The following SLC7A5 variants were observed in gnomAD, a reference collection of about 807,000 sequenced individuals.
SLC7A5 encodes the protein solute carrier family 7 member 5.
SLC7A5 carries 23 observed loss-of-function variants against 50.2 expected under a neutral mutation model. That is an observed-to-expected ratio of 0.46 (90% CI 0.33 to 0.65). The LOEUF (loss-of-function observed/expected upper bound fraction) is 0.65. Among genes scored for constraint, SLC7A5 ranks in the 30% least tolerant of loss-of-function variants. SLC7A5 has a pLI of 0.02. For missense variants in SLC7A5, 578 were observed against 684.4 expected (o/e 0.84, Z 1.73); for synonymous variants, 393 against 330.6 (o/e 1.19, Z -2.05).
chr16:87,861,561 TGGTGGCCAAGA>T lies in SLC7A5; in HGVS notation c.538+7313_538+7323del, dbSNP rs376249956. Among the ~76,000 whole-genome samples the T allele has an allele frequency of 4.3e-4, 66 of 152,270 alleles. No homozygotes were observed. Among genetic ancestry groups the T allele is most frequent in the Middle Eastern group, 3.4e-3 (1 of 294 alleles). On this transcript the variant is annotated intron_variant, in intron 1 of 9. Transcript: ENST00000261622. This position sits in a 1 kb window ranked among gnomAD's most constrained non-coding sequence, Gnocchi z 4.2. The stretch of plus-strand genomic sequence containing the variant: ...TGGCTTCAAAGGCTGGAGTGCAAAG[TGGTGGCCAAGA>T]GGTGGCCAAGAGGTGCCAAGAGGTG...
rs1046882672 is a variant in SLC7A5 at position 87,853,400 on chromosome 16, A to G, written c.539-1551T>C. On this transcript the variant is annotated intron_variant, in intron 1 of 9. Transcript: ENST00000261622. The surrounding 1 kb of genome is among the most constrained non-coding windows in gnomAD (Gnocchi z 4.4). ...GAAAGTCTGGTTGAAAAATGTCTGA[A>G]AGTCAGTGTTTTCGCTGCTATTCCT... Among the ~76,000 whole-genome samples the G allele has an allele frequency of 2.0e-5, 3 of 152,160 alleles. No homozygotes were observed. Among genetic ancestry groups the G allele is most frequent in the Non-Finnish European group, 2.9e-5 (2 of 68,034 alleles).
At chr16:87,834,705 G>A (rs2054976107) in intron 8 of SLC7A5, 114 bp from the exon 9 acceptor site, 1 of 1,100,490 alleles carries the variant, frequency 9.1e-7, no homozygotes, top group South Asian at 1.3e-5. Flanking sequence ...CTGACTTCCA[G>A]GTCACCAAGA....
At chr16:87,836,421 C>T (rs2055003992) in intron 8 of SLC7A5, 77 bp downstream of exon 8, 1 of 1,547,668 alleles carries the variant, frequency 6.5e-7, no homozygotes, top group African/African-American at 1.4e-5. Flanking sequence ...ATGCTGGCTC[C>T]CAACTCAGGG....
At chr16:87,864,317 A>T (rs1045887406) in intron 1 of SLC7A5, among the ~76,000 whole-genome samples, 11 of 152,066 alleles carry the variant, frequency 7.2e-5, no homozygotes, top group East Asian at 1.9e-4. Flanking sequence ...AATAAATAAT[A>T]AATAAGTAAA....
At chr16:87,843,400 A>C (rs2055107989) in intron 2 of SLC7A5, among the ~76,000 whole-genome samples, 1 of 89,580 alleles carries the variant, frequency 1.1e-5, no homozygotes, top group Non-Finnish European at 2.1e-5. Flanking sequence ...ACAGAGTTCC[A>C]CCACGCTTGG....
intron 2 of SLC7A5, among the ~76,000 whole-genome samples, chr16:87,847,467 G>C (rs1388057654): frequency 6.6e-6 from 1 of 152,196 alleles, no homozygotes; most frequent in Admixed American, 6.5e-5. Flanking sequence ...AGGGGCTCAG[G>C]GGGCTGCCTT....
rs925219961 is a variant in SLC7A5 at position 87,836,430 on chromosome 16, G to T, written c.1290+68C>A. The stretch of plus-strand genomic sequence containing the variant: ...GCTGGGATGCTGGCTCCCAACTCAG[G>T]GTCCTTAGGACCCACGGACCCTGCC... On this transcript the variant is annotated intron_variant, in intron 8 of 9. Coordinates refer to ENST00000261622, the MANE Select transcript of SLC7A5 (RefSeq NM_003486.7). 2.5e-6 allele frequency: 4 copies of T among 1,570,446 alleles called. No individual in the cohort carries two copies. The African/African-American group carries it at 5.4e-5, about 21-fold the overall frequency.
At position 87,832,896 on chromosome 16, in the gene SLC7A5, G is replaced by C; in HGVS notation, c.*74C>G. 8.2e-7 allele frequency: 1 copy of C among 1,224,210 alleles called. No individual in the cohort carries two copies. The highest frequency in any genetic ancestry group is 1.2e-5 in the South Asian group (1 of 83,356). The allele number at this position is 1,224,210 out of a possible 1,614,324, so 75.8% of individuals were successfully genotyped here. ...CTGAGCTGTGGGTTGCGGGGAACCG[G>C]AGTGGGTTCGAGGAGGTGATCTACT... On this transcript the variant is annotated 3_prime_UTR_variant, in exon 10 of 10. Coordinates refer to ENST00000261622, the MANE Select transcript of SLC7A5 (RefSeq NM_003486.7). The surrounding 1 kb of genome is among the most constrained non-coding windows in gnomAD (Gnocchi z 4.6).
intron 1 of SLC7A5, among the ~76,000 whole-genome samples, chr16:87,866,247 A>G (rs2055459112): frequency 6.6e-6 from 1 of 152,182 alleles, no homozygotes; most frequent in Non-Finnish European, 1.5e-5. Flanking sequence ...GTTGTACATT[A>G]TGATCTTTTA....
At chr16:87,867,080 C>T (rs1413203578) in intron 1 of SLC7A5, among the ~76,000 whole-genome samples, 1 of 151,262 alleles carries the variant, frequency 6.6e-6, no homozygotes, top group African/African-American at 2.4e-5. Flanking sequence ...CCACTCTGCC[C>T]GGCTAATTTT....
chr16:87,834,929 C>T (rs2054979590), intron 8 of SLC7A5, among the ~76,000 whole-genome samples: 1 of 152,242 alleles, frequency 6.6e-6, no homozygotes, highest in Non-Finnish European at 1.5e-5. Flanking sequence ...CGCACAGGGG[C>T]CTGATGCTTC....
At chr16:87,865,272 G>C (rs560824280) in intron 1 of SLC7A5, among the ~76,000 whole-genome samples, 127 of 152,056 alleles carry the variant, frequency 8.4e-4, no homozygotes, top group African/African-American at 2.9e-3. Flanking sequence ...AAGTACAAAT[G>C]GCTTAGGGAC....
rs1274655565 is a variant in SLC7A5 at position 87,853,827 on chromosome 16, G to C, written c.539-1978C>G. 6.6e-6 allele frequency: 1 copy of C among 152,186 alleles called. No homozygotes were observed. Among genetic ancestry groups the C allele is most frequent in the Non-Finnish European group, 1.5e-5 (1 of 68,038 alleles). The allele number at this position is 152,186 out of a possible 1,614,324, so 9.4% of individuals were successfully genotyped here. A position where few individuals can be genotyped will look rare whatever the true frequency, so the allele number is the denominator to read the frequency against. On this transcript the variant is annotated intron_variant, in intron 1 of 9. Coordinates refer to ENST00000261622, the MANE Select transcript of SLC7A5 (RefSeq NM_003486.7). This position sits in a 1 kb window ranked among gnomAD's most constrained non-coding sequence, Gnocchi z 4.4. ...CTCGAGGCTGCCTCTCCCCAAAAGG[G>C]AGAGAGGCACGCTGCCACCACTGAA...
Position 87,869,289 on chromosome 16 carries a change from G to C in SLC7A5, c.134C>G (p.Thr45Ser). 1 of 1,611,934 alleles carries C rather than the reference G, an allele frequency of 6.2e-7. No individual in the cohort carries two copies. Among genetic ancestry groups the C allele is most frequent in the Non-Finnish European group, 8.5e-7 (1 of 1,179,788 alleles). Residue 45 changes from threonine (T) to serine (S), a missense_variant, in exon 1 of 10, where the codon ACC (threonine) becomes AGC (serine). Physicochemically the swap from Thr to Ser is moderately conservative, Grantham distance 58. This residue lies in a region of SLC7A5 where 113 missense variants were observed against 89.8 expected (regional missense o/e 1.26). Transcript: ENST00000261622. ...SAPAGEGEGVTLQRNITLLNG... is the reference protein window; with the variant it reads ...SAPAGEGEGVSLQRNITLLNG... Reference sequence around the variant, plus strand: ...GAGCAGCGTGATGTTCCGCTGCAGGGTCACGCCCTCGCCCTCGCCTGCCGG... The same window carrying C: ...GAGCAGCGTGATGTTCCGCTGCAGGCTCACGCCCTCGCCCTCGCCTGCCGG...
chr16:87,862,931 C>G lies in SLC7A5; in HGVS notation c.538+5954G>C, dbSNP rs1425837187. Among the ~76,000 whole-genome samples the G allele has an allele frequency of 6.6e-6, 1 of 152,210 alleles. No homozygotes were observed. Among genetic ancestry groups the G allele is most frequent in the Non-Finnish European group, 1.5e-5 (1 of 68,034 alleles). On this transcript the variant is annotated intron_variant, in intron 1 of 9. Coordinates refer to ENST00000261622, the MANE Select transcript of SLC7A5 (RefSeq NM_003486.7). The surrounding 1 kb of genome is among the most constrained non-coding windows in gnomAD (Gnocchi z 5.3). ...AGCCACCTCACTCCAGGGACCCTGG[C>G]ACCGTCTCCCATGAGGCCAGGTGTC...
Position 87,862,444 on chromosome 16 carries a change from C to G in SLC7A5, c.538+6441G>C, listed in dbSNP as rs1355243022. Among the ~76,000 whole-genome samples, 2 of 152,262 alleles carry G rather than the reference C, an allele frequency of 1.3e-5. No homozygotes were observed. Among genetic ancestry groups the G allele is most frequent in the Non-Finnish European group, 2.9e-5 (2 of 68,048 alleles). Reference sequence around the variant, plus strand: ...TCAGAGACAGTTGTGGCGATTCCTACTTCCACCCATAGCCCCCCGACCCTG... The same window carrying G: ...TCAGAGACAGTTGTGGCGATTCCTAGTTCCACCCATAGCCCCCCGACCCTG... On this transcript the variant is annotated intron_variant, in intron 1 of 9. Transcript: ENST00000261622. This position sits in a 1 kb window ranked among gnomAD's most constrained non-coding sequence, Gnocchi z 5.3.
At chr16:87,835,691 G>C (rs995110780) in intron 8 of SLC7A5, among the ~76,000 whole-genome samples, 4 of 152,062 alleles carry the variant, frequency 2.6e-5, no homozygotes, top group South Asian at 2.1e-4. Context: ...AGCCAGGATG[G>C]TCTCTATCTC....
At chr16:87,843,114 C>T (rs1170431793) in intron 2 of SLC7A5, among the ~76,000 whole-genome samples, 7 of 152,076 alleles carry the variant, frequency 4.6e-5, no homozygotes, top group Non-Finnish European at 1.0e-4. Flanking sequence ...AACACGTGCC[C>T]CATTCACTGT....
Position 87,869,327 on chromosome 16 carries a change from C to T in SLC7A5, c.96G>A (p.Ala32=). 6.2e-7 allele frequency: 1 copy of T among 1,610,368 alleles called. No individual in the cohort carries two copies. The highest frequency in any genetic ancestry group is 8.5e-7 in the Non-Finnish European group (1 of 1,179,332). ...CCTCGCCTGCCGGCGCCGAGCCGTC[C>T]GCGCTCTTGGCGGCCAGCATCTTCT... is the stretch of plus-strand genomic sequence containing the variant. The part of the protein sequence containing the change: ...AREKMLAAKS[A]DGSAPAGEGE... The change falls in exon 1 of 10, where the codon GCG becomes GCA. Residue 32 remains alanine (A), a synonymous_variant. Coordinates refer to ENST00000261622, the MANE Select transcript of SLC7A5 (RefSeq NM_003486.7).
Sources: gnomAD v4.1 joint callset for allele counts (sites outside exome capture counted in the v4.1 genomes callset) on GRCh38, gnomAD v4.1.1 for gene constraint, gnomAD v4.1.1 regional missense constraint, Gnocchi (gnomAD v3.1) non-coding constraint, MANE v1.5 for transcripts, NCBI Gene and HGNC (gene_info 2026-07-23, HGNC 2026-07-21) for gene names.